Variants in CAMSAP1 observed in about 807,000 individuals in gnomAD.
The protein encoded by CAMSAP1 is calmodulin-regulated spectrin-associated protein 1.
CAMSAP1 carries 58 observed loss-of-function variants against 143.5 expected under a neutral mutation model. The observed-to-expected ratio is 0.40, with a 90% CI of 0.33 to 0.50. CAMSAP1 has a LOEUF of 0.50. Among genes scored for constraint, CAMSAP1 ranks in the 20% least tolerant of loss-of-function variants. The pLI is 0.45. For synonymous variants in CAMSAP1, 945 were observed against 859.3 expected, an observed-to-expected ratio of 1.10 and a Z score of -1.74; for missense variants, 1,969 against 2,115.7, an observed-to-expected ratio of 0.93 and a Z score of 1.36.
intron 1 of CAMSAP1, 78 bp downstream of exon 1, chr9:135,906,922 C>T: frequency 3.6e-6 from 3 of 835,242 alleles, no homozygotes; most frequent in South Asian, 1.0e-4. Flanking sequence ...CGGACCCCGA[C>T]CCGGCCGGAC....
intron 16 of CAMSAP1, among the ~76,000 whole-genome samples, chr9:135,813,772 T>G (rs1339430047): frequency 6.6e-6 from 1 of 152,206 alleles, no homozygotes; most frequent in African/African-American, 2.4e-5. Context: ...TGACGCTGGT[T>G]TCCTCCCAGG....
chr9:135,882,925 T>A lies in CAMSAP1; in HGVS notation c.314A>T (p.Gln105Leu). The change falls in exon 2 of 17, where the codon CAG becomes CTG. Residue 105 changes from glutamine to leucine, a missense_variant. Gln to Leu is a moderately radical substitution (Grantham distance 113). This residue lies in a region of CAMSAP1 where 215 missense variants were observed against 196.2 expected (regional missense o/e 1.10). Coordinates refer to ENST00000389532, the MANE Select transcript of CAMSAP1 (RefSeq NM_015447.4). This position sits in a 1 kb window ranked among gnomAD's most constrained non-coding sequence, Gnocchi z 4.9. The stretch of plus-strand genomic sequence containing the variant: ...GGCCTGGATGACAGACTGGTGTCCC[T>A]GTAAGGCGGCCACCTGGTCCCCTTT... ...ILKGDQVAALQGHQSVIQALS... is the reference protein window; with the variant it reads ...ILKGDQVAALLGHQSVIQALS... 3 of 1,551,714 alleles carry A rather than the reference T, an allele frequency of 1.9e-6. No homozygotes were observed. Among genetic ancestry groups the A allele is most frequent in the Non-Finnish European group, 2.6e-6 (3 of 1,146,988 alleles).
intron 7 of CAMSAP1, among the ~76,000 whole-genome samples, chr9:135,845,919 A>G (rs745748597): frequency 6.6e-6 from 1 of 152,226 alleles, no homozygotes; most frequent in African/African-American, 2.4e-5. Flanking sequence ...AAGAATCAAT[A>G]TTGTGAAAAT....
intron 3 of CAMSAP1, among the ~76,000 whole-genome samples, chr9:135,879,692 A>G (rs761824584): frequency 1.2e-4 from 18 of 152,068 alleles, no homozygotes; most frequent in Non-Finnish European, 1.9e-4. Flanking sequence ...AACAAAAAAC[A>G]AAGTCCTTAA....
chr9:135,823,173 G>A lies in CAMSAP1; in HGVS notation c.1488C>T (p.Ala496=), dbSNP rs1332556305. 3.7e-6 allele frequency: 6 copies of A among 1,606,274 alleles called. No homozygotes were observed. In the African/African-American group the frequency reaches 6.7e-5, roughly 18 times the overall value. Residue 496 remains alanine (A), a synonymous_variant, in exon 11 of 17, where the codon GCC becomes GCT. Coordinates refer to ENST00000389532, the MANE Select transcript of CAMSAP1 (RefSeq NM_015447.4). The part of the protein sequence containing the change: ...DPSSGDSISL[A]RSISKDSLAS... ...CCAAACTGTCTTTGCTGATGGAGCG[G>A]GCCAAGCTGATGCTGTCGCCAGAGC...
intron 10 of CAMSAP1, 72 bp from the exon 11 acceptor site, chr9:135,823,332 G>A: frequency 6.8e-7 from 1 of 1,471,352 alleles, no homozygotes; most frequent in South Asian, 1.4e-5. Flanking sequence ...ACCAGGGGGT[G>A]AGAATGCCGG....
rs775049033 is a variant in CAMSAP1, at chr9:135,815,100, C to T, written c.4503G>A (p.Leu1501=). 3.7e-5 allele frequency: 59 copies of T among 1,604,198 alleles called. No individual in the cohort carries two copies. In the Admixed American group the frequency reaches 9.9e-4, roughly 27 times the overall value. The change falls in exon 16 of 17, where the codon TTG becomes TTA. Residue 1501 remains leucine (L), a synonymous_variant. Coordinates refer to ENST00000389532, the MANE Select transcript of CAMSAP1 (RefSeq NM_015447.4). ...KVNEPHKNSI[L]EELEKCDANH... ...GAGGTTGAAACATGATACTTGCCTCCAATATGGAATTCTTGTGGGGTTCGT... is the reference window on the plus strand; with the variant it reads ...GAGGTTGAAACATGATACTTGCCTCTAATATGGAATTCTTGTGGGGTTCGT...
At position 135,827,436 on chromosome 9, in the gene CAMSAP1, G is replaced by T; in HGVS notation, c.1194C>A (p.His398Gln). The change falls in exon 8 of 17, where the codon CAC becomes CAA. Residue 398 changes from histidine (H) to glutamine (Q), a missense_variant. His to Gln is a conservative substitution (Grantham distance 24). Coordinates refer to ENST00000389532, the MANE Select transcript of CAMSAP1 (RefSeq NM_015447.4). Reference sequence around the variant, plus strand: ...ATTCAGGTTCTTCCGGGTGCAGGTAGTGCCTGTGACAGCCTTCCGCCGGCA... The same window carrying T: ...ATTCAGGTTCTTCCGGGTGCAGGTATTGCCTGTGACAGCCTTCCGCCGGCA... ...VQLPAEGCHR[H>Q]YLHPEEPEYL... 5.0e-6 allele frequency: 8 copies of T among 1,589,070 alleles called. No homozygotes were observed. Among genetic ancestry groups the T allele is most frequent in the Non-Finnish European group, 6.9e-6 (8 of 1,161,460 alleles).
chr9:135,906,652 G>A (rs1026266762), intron 1 of CAMSAP1, among the ~76,000 whole-genome samples: 4 of 152,200 alleles, frequency 2.6e-5, no homozygotes, highest in African/African-American at 9.6e-5. Flanking sequence ...CGCCTCAGAC[G>A]GCGGCCCCGC....
At chr9:135,861,329 C>T (rs987114522) in intron 5 of CAMSAP1, among the ~76,000 whole-genome samples, 4 of 151,344 alleles carry the variant, frequency 2.6e-5, no homozygotes, top group African/African-American at 7.3e-5. Flanking sequence ...TTTTTTCCCC[C>T]CGAGACAGAG....
In CAMSAP1 at chr9:135,850,423, G is replaced by C. The variant is rs1341073536; in HGVS notation, c.847C>G (p.Leu283Val). 6.2e-7 allele frequency: 1 copy of C among 1,603,924 alleles called. No homozygotes were observed. The highest frequency in any genetic ancestry group is 1.7e-5 in the Admixed American group (1 of 57,286). Residue 283 changes from leucine (L) to valine (V), a missense_variant, in exon 6 of 17, where the codon CTG (leucine) becomes GTG (valine). Physicochemically the swap from Leu to Val is conservative, Grantham distance 32 (BLOSUM62 1). Coordinates refer to ENST00000389532, the MANE Select transcript of CAMSAP1 (RefSeq NM_015447.4). ...LKEVTSMADS[L>V]YNIRLLREFS... ...TCTCTCAGAAGCCGAATATTATACA[G>C]ACTGTCGGCCATCGACGTTACCTCC...
At chr9:135,839,012 A>G (rs1366103683) in intron 7 of CAMSAP1, among the ~76,000 whole-genome samples, 1 of 152,018 alleles carries the variant, frequency 6.6e-6, no homozygotes, top group Non-Finnish European at 1.5e-5. Flanking sequence ...TTCTATAGAC[A>G]CACATTGTTA....
intron 7 of CAMSAP1, among the ~76,000 whole-genome samples, chr9:135,837,662 A>C (rs1836130305): frequency 6.7e-6 from 1 of 149,690 alleles, no homozygotes; most frequent in African/African-American, 2.5e-5. Flanking sequence ...CTACAGACAC[A>C]CGTCATCACG....
At chr9:135,855,364 T>C (rs910243524) in intron 5 of CAMSAP1, among the ~76,000 whole-genome samples, 12 of 152,204 alleles carry the variant, frequency 7.9e-5, no homozygotes, top group Admixed American at 3.9e-4. Flanking sequence ...CTAAGGATAA[T>C]GGCTTCCAGC....
chr9:135,816,117 A>C (rs1835222347), intron 14 of CAMSAP1, 112 bp from the exon 15 acceptor site: 3 of 918,132 alleles, frequency 3.3e-6, no homozygotes, highest in South Asian at 3.0e-5. Flanking sequence ...GCAGGGGAGG[A>C]GGCTTTCGGT....
chr9:135,850,211 G>T lies in CAMSAP1; in HGVS notation c.971C>A (p.Ala324Glu). The T allele has an allele frequency of 6.2e-7, 1 of 1,612,816 alleles. No individual in the cohort carries two copies. Among genetic ancestry groups the T allele is most frequent in the Non-Finnish European group, 8.5e-7 (1 of 1,179,468 alleles). The change falls in exon 7 of 17, where the codon GCG becomes GAG. Residue 324 changes from alanine to glutamate, a missense_variant. By Grantham distance (107) the Ala-to-Glu change is moderately radical. This residue lies in a region of CAMSAP1 where 221 missense variants were observed against 298.2 expected (regional missense o/e 0.74). Transcript: ENST00000389532. ...VLKPNVMVFI[A>E]ELFWWFENVK... ...ATTCTCGAACCACCAAAAAAGCTCC[G>T]CAATAAAAACCATAACATTCGGCTA...
rs1835026682 is a variant in CAMSAP1, at chr9:135,810,959, G to GA, written c.*349dup. 2 of 330,654 alleles carry GA rather than the reference G, an allele frequency of 6.0e-6. No homozygotes were observed. Among genetic ancestry groups the GA allele is most frequent in the Non-Finnish European group, 1.1e-5 (2 of 176,520 alleles). The allele number at this position is 330,654 out of a possible 1,614,324, so 20.5% of individuals were successfully genotyped here. A position where few individuals can be genotyped will look rare whatever the true frequency, so the allele number is the denominator to read the frequency against. On this transcript the variant is annotated 3_prime_UTR_variant, in exon 17 of 17. Coordinates refer to ENST00000389532, the MANE Select transcript of CAMSAP1 (RefSeq NM_015447.4). ...AAGTGGATCACGTCTAATCTATGCTGAAGGAGAACTTCAAGTAAGGGAGCT... is the reference window on the plus strand; with the variant it reads ...AAGTGGATCACGTCTAATCTATGCTGAAAGGAGAACTTCAAGTAAGGGAGCT...
intron 16 of CAMSAP1, among the ~76,000 whole-genome samples, chr9:135,812,847 T>C (rs1657658195): frequency 6.6e-6 from 1 of 151,852 alleles, no homozygotes; most frequent in Non-Finnish European, 1.5e-5. Flanking sequence ...CACATGCCTG[T>C]AGTCCGAGCT....
In CAMSAP1 at chr9:135,808,526, GCCCT is replaced by G. The variant is rs1834924608; in HGVS notation, c.*2779_*2782del. 1 of 152,178 alleles carries G rather than the reference GCCCT, an allele frequency of 6.6e-6. No individual in the cohort carries two copies. The highest frequency in any genetic ancestry group is 1.9e-4 in the East Asian group (1 of 5,206). 9.4% of individuals were successfully genotyped at this position (152,178 alleles called of 1,614,324 possible). ...AAAATTTTATTTCAATAAATATTTT[GCCCT>G]CCAAGTGACAACTACAATTTCAGGG... On this transcript the variant is annotated 3_prime_UTR_variant, in exon 17 of 17. Transcript: ENST00000389532.
Sources: gnomAD v4.1 joint callset for allele counts (sites outside exome capture counted in the v4.1 genomes callset) on GRCh38, gnomAD v4.1.1 for gene constraint, gnomAD v4.1.1 regional missense constraint, Gnocchi (gnomAD v3.1) non-coding constraint, MANE v1.5 for transcripts, NCBI Gene and HGNC (gene_info 2026-07-23, HGNC 2026-07-21) for gene names.